ADCY3: variants seen among roughly 807,000 people sequenced by gnomAD.
ADCY3 encodes the protein adenylate cyclase 3.
ADCY3 carries 70 observed loss-of-function variants against 119.4 expected under a neutral mutation model. The ratio of observed to expected loss-of-function variants is 0.59; its 90% confidence interval spans 0.48 to 0.72. The LOEUF (loss-of-function observed/expected upper bound fraction) is 0.72. Ranked by LOEUF, ADCY3 falls within the 30% of genes least tolerant of loss-of-function variation. The pLI is 0.00. For synonymous variants in ADCY3, 672 were observed against 621.4 expected (o/e 1.08, Z -1.21); for missense variants, 1,238 against 1,541.6 (o/e 0.80, Z 3.30).
rs757402803 is a variant in ADCY3 at position 24,828,172 on chromosome 2, G to A, written c.2173-11C>T. 1.2e-6 allele frequency: 2 copies of A among 1,611,956 alleles called. No homozygotes were observed. Among genetic ancestry groups the A allele is most frequent in the African/African-American group, 1.3e-5 (1 of 74,890 alleles). The stretch of plus-strand genomic sequence containing the variant: ...CTGGAGACAGCTGAGCTGGAGGCCA[G>A]GACGGCGGGCAGGGACACACGTTCA... On this transcript the variant is annotated splice_polypyrimidine_tract_variant and intron_variant, in intron 13 of 21. Coordinates refer to ENST00000679454, the MANE Select transcript of ADCY3 (RefSeq NM_004036.5).
chr2:24,886,625 C>T (rs956310244), intron 2 of ADCY3, among the ~76,000 whole-genome samples: 6 of 152,206 alleles, frequency 3.9e-5, no homozygotes, highest in East Asian at 1.9e-4. Context: ...AGAAGACCCC[C>T]GCCCCGAGAT....
At chr2:24,821,942 G>GACAAC in intron 19 of ADCY3, 1 of 328,718 alleles carries the variant, frequency 3.0e-6, no homozygotes, top group South Asian at 4.4e-5. Context: ...GTTTTGTCAG[G>GACAAC]TTGTCCTTGT....
In ADCY3 at chr2:24,842,513, G is replaced by A. The variant is rs1343246692; in HGVS notation, c.826-129C>T. On this transcript the variant is annotated intron_variant, in intron 3 of 21. Coordinates refer to ENST00000679454, the MANE Select transcript of ADCY3 (RefSeq NM_004036.5). The surrounding 1 kb of genome is among the most constrained non-coding windows in gnomAD (Gnocchi z 4.9). ...AGGGAACCATGCTGCCCTCCAGAGA[G>A]ACCTCACAGATCTGCCTCGGGAGCA... The A allele has an allele frequency of 1.6e-6, 2 of 1,234,812 alleles. No individual in the cohort carries two copies. Among genetic ancestry groups the A allele is most frequent in the Admixed American group, 4.4e-5 (2 of 44,960 alleles). The allele number at this position is 1,234,812 out of a possible 1,614,324, so 76.5% of individuals were successfully genotyped here.
chr2:24,898,993 A>T lies in ADCY3; in HGVS notation c.675+19320T>A, dbSNP rs1022035801. On this transcript the variant is annotated intron_variant, in intron 2 of 21. Coordinates refer to ENST00000679454, the MANE Select transcript of ADCY3 (RefSeq NM_004036.5). This position sits in a 1 kb window ranked among gnomAD's most constrained non-coding sequence, Gnocchi z 4.3. ...CTCACCACACAACCACGCACTCAAT[A>T]GCCTCCAAACACTCCACTGTCCCCT... is the stretch of plus-strand genomic sequence containing the variant. Among the ~76,000 whole-genome samples the T allele has an allele frequency of 2.0e-5, 3 of 152,004 alleles. No homozygotes were observed. Among genetic ancestry groups the T allele is most frequent in the Non-Finnish European group, 4.4e-5 (3 of 67,982 alleles).
intron 2 of ADCY3, among the ~76,000 whole-genome samples, chr2:24,894,433 C>T (rs1206569114): frequency 2.0e-5 from 3 of 152,102 alleles, no homozygotes; most frequent in African/African-American, 7.2e-5. Flanking sequence ...TATAATTGTG[C>T]CACTGCTGTC....
intron 3 of ADCY3, among the ~76,000 whole-genome samples, chr2:24,865,684 T>A (rs979552643): frequency 6.6e-6 from 1 of 152,158 alleles, no homozygotes; most frequent in Non-Finnish European, 1.5e-5. Flanking sequence ...ATTTTATACA[T>A]GTATACGTTT....
rs1028116101 is a variant in ADCY3 at position 24,827,824 on chromosome 2, G to A, written c.2432+78C>T. On this transcript the variant is annotated intron_variant, in intron 14 of 21. Coordinates refer to ENST00000679454, the MANE Select transcript of ADCY3 (RefSeq NM_004036.5). ...AGTGGCAGAAAGCCACCTCAGCACA[G>A]GCCCATGAGCTTGAACTGAGGACTT... 4.4e-6 allele frequency: 7 copies of A among 1,587,620 alleles called. No homozygotes were observed. The African/African-American group carries it at 6.7e-5, about 15-fold the overall frequency.
chr2:24,828,722 C>T (rs895279273), intron 13 of ADCY3, among the ~76,000 whole-genome samples: 3 of 152,246 alleles, frequency 2.0e-5, no homozygotes, highest in Admixed American at 2.0e-4. Context: ...TAACTTTCAC[C>T]CACAGGGCAA....
In ADCY3 at chr2:24,827,921, TGTG is replaced by T. The variant is rs934311006; in HGVS notation, c.2410_2412del (p.His804del). 2 of 1,614,032 alleles carry T rather than the reference TGTG, an allele frequency of 1.2e-6. No individual in the cohort carries two copies. Among genetic ancestry groups the T allele is most frequent in the African/African-American group, 1.3e-5 (1 of 74,928 alleles). On this transcript the variant is annotated inframe_deletion, in exon 14 of 22. Coordinates refer to ENST00000679454, the MANE Select transcript of ADCY3 (RefSeq NM_004036.5). ...TCTTACTCGTGCTCCCGAAAACGCT[TGTG>T]GTCGTATTCATCAAAGACGGGACGC...
At chr2:24,870,193 T>C (rs909303118) in intron 3 of ADCY3, among the ~76,000 whole-genome samples, 1 of 149,052 alleles carries the variant, frequency 6.7e-6, no homozygotes, top group African/African-American at 2.5e-5. Flanking sequence ...TGGTGGCAGG[T>C]GCTTGTAATC....
At position 24,841,319 on chromosome 2, in the gene ADCY3, T is replaced by C. The variant is rs1572859281; in HGVS notation, c.1136A>G (p.Tyr379Cys). The change falls in exon 6 of 22, where the codon TAC (tyrosine) becomes TGC (cysteine). Residue 379 changes from tyrosine (Y) to cysteine (C), a missense_variant. By Grantham distance (194) the Tyr-to-Cys change is radical. This residue lies in a region of ADCY3 where 283 missense variants were observed against 437.2 expected (regional missense o/e 0.65). Transcript: ENST00000679454. This position sits in a 1 kb window ranked among gnomAD's most constrained non-coding sequence, Gnocchi z 5.8. Reference sequence around the variant, plus strand: ...GGAGCAGACGGCGTGGTCCTCCCGGTAGTCGGGCAAGCCGCAGATGCAGTA... The same window carrying C: ...GGAGCAGACGGCGTGGTCCTCCCGGCAGTCGGGCAAGCCGCAGATGCAGTA... The part of the protein sequence containing the change: ...CYYCICGLPD[Y>C]REDHAVCSIL... 6.3e-7 allele frequency: 1 copy of C among 1,589,320 alleles called. No individual in the cohort carries two copies. The highest frequency in any genetic ancestry group is 1.3e-5 in the African/African-American group (1 of 74,606).
At chr2:24,907,683 A>AATAATCAGGACACAT (rs1268722700) in intron 2 of ADCY3, among the ~76,000 whole-genome samples, 1 of 152,158 alleles carries the variant, frequency 6.6e-6, no homozygotes, top group African/African-American at 2.4e-5. Flanking sequence ...AGTGACACAT[A>AATAATCAGGACACAT]AATAAAATCA....
chr2:24,895,585 C>G (rs1025115010), intron 2 of ADCY3, among the ~76,000 whole-genome samples: 2 of 151,874 alleles, frequency 1.3e-5, no homozygotes, highest in Non-Finnish European at 2.9e-5. Context: ...CAGTGATGCT[C>G]TGAGTATTAC....
chr2:24,917,652 G>A (rs186400041), intron 2 of ADCY3, among the ~76,000 whole-genome samples: 4 of 152,254 alleles, frequency 2.6e-5, no homozygotes, highest in South Asian at 2.1e-4. Flanking sequence ...GAGACCCTAC[G>A]TCACAGTGGC....
intron 3 of ADCY3, among the ~76,000 whole-genome samples, chr2:24,849,012 G>A (rs773065743): frequency 4.7e-4 from 71 of 152,212 alleles, no homozygotes; most frequent in Admixed American, 2.6e-4. Flanking sequence ...GGGCGCAGAT[G>A]TGTGAGGAGC....
chr2:24,852,195 G>A (rs758136217), intron 3 of ADCY3, among the ~76,000 whole-genome samples: 17 of 152,154 alleles, frequency 1.1e-4, no homozygotes, highest in African/African-American at 1.7e-4. Context: ...ACGGCCCAGC[G>A]GCTGCCTCGG....
At chr2:24,901,301 C>CA (rs1415832053) in intron 2 of ADCY3, among the ~76,000 whole-genome samples, 2 of 152,184 alleles carry the variant, frequency 1.3e-5, no homozygotes, top group African/African-American at 2.4e-5. Flanking sequence ...GAGTATTTTC[C>CA]AAGAATCACT....
chr2:24,831,675 G>A lies in ADCY3; in HGVS notation c.2042C>T (p.Ala681Val). Residue 681 changes from alanine (A) to valine (V), a missense_variant, in exon 12 of 22, where the codon GCC becomes GTC. By Grantham distance (64) the Ala-to-Val change is moderately conservative. Around this residue, in one of 7 missense-constraint regions of ADCY3, gnomAD observed 499 missense variants for 571.0 expected, o/e 0.87. Coordinates refer to ENST00000679454, the MANE Select transcript of ADCY3 (RefSeq NM_004036.5). ...LLILTICSLA[A>V]IFPRAFPKKL... Reference sequence around the variant, plus strand: ...AGTGCCTCTTACCCGGGGAAAGATGGCAGCCAGGGAGCAGATGGTCAGGAT... The same window carrying A: ...AGTGCCTCTTACCCGGGGAAAGATGACAGCCAGGGAGCAGATGGTCAGGAT... 1.2e-6 allele frequency: 2 copies of A among 1,613,976 alleles called. No homozygotes were observed. The highest frequency in any genetic ancestry group is 1.7e-5 in the Admixed American group (1 of 60,020).
chr2:24,820,468 G>C (rs1360035036), intron 21 of ADCY3: 2 of 1,345,548 alleles, frequency 1.5e-6, no homozygotes, highest in East Asian at 2.9e-5. Context: ...CAGATCACAA[G>C]GTATTAGAAG....
Sources: allele counts gnomAD v4.1 joint callset (sites outside exome capture counted in the v4.1 genomes callset), GRCh38; gene constraint gnomAD v4.1.1; regional missense constraint gnomAD v4.1.1; non-coding constraint Gnocchi (gnomAD v3.1); transcripts MANE v1.5; gene names NCBI Gene and HGNC (gene_info 2026-07-23, HGNC 2026-07-21).